The following CCDC18 variants were observed in gnomAD, a reference collection of about 807,000 sequenced individuals.
The protein encoded by CCDC18 is coiled-coil domain containing 18, also known as coiled-coil domain-containing protein 18.
CCDC18 carries 157 observed loss-of-function variants against 196.0 expected under a neutral mutation model. The ratio of observed to expected loss-of-function variants is 0.80; its 90% CI spans 0.70 to 0.91. The LOEUF is 0.91. Among genes scored for constraint, CCDC18 ranks in the 40% least tolerant of loss-of-function variants. The pLI is 0.00. For missense variants in CCDC18, 1,465 were observed against 1,611.6 expected (o/e 0.91, Z 1.56); for synonymous variants, 482 against 529.2 (o/e 0.91, Z 1.22).
intron 2 of CCDC18, 96 bp downstream of exon 2, chr1:93,183,591 C>T (rs1650119882): frequency 8.3e-6 from 7 of 841,898 alleles, no homozygotes; most frequent in South Asian, 3.2e-5. Flanking sequence ...TCTAACCTGC[C>T]TCTGGAATAA....
intron 3 of CCDC18, among the ~76,000 whole-genome samples, chr1:93,185,493 A>G (rs1237113804): frequency 1.3e-5 from 2 of 152,006 alleles, no homozygotes; most frequent in African/African-American, 2.4e-5. Flanking sequence ...TATTCATACA[A>G]TGGAAACTAT....
At chr1:93,253,937 A>G (rs1662593843) in intron 23 of CCDC18, among the ~76,000 whole-genome samples, 1 of 152,192 alleles carries the variant, frequency 6.6e-6, no homozygotes, top group South Asian at 2.1e-4. Flanking sequence ...GGCTCCTGCA[A>G]AGAGGCTTTT....
intron 7 of CCDC18, among the ~76,000 whole-genome samples, chr1:93,202,640 A>G (rs1371528209): frequency 6.6e-6 from 1 of 152,188 alleles, no homozygotes; most frequent in Non-Finnish European, 1.5e-5. Flanking sequence ...AAAGGTAGAA[A>G]GGCAGAGGAA....
intron 4 of CCDC18, among the ~76,000 whole-genome samples, chr1:93,188,513 G>A (rs150828701): frequency 3.3e-5 from 5 of 152,192 alleles, no homozygotes; most frequent in East Asian, 1.9e-4. Flanking sequence ...TTCTTCACTC[G>A]TGATTAAATT....
At chr1:93,205,365 T>A (rs1654552493) in intron 7 of CCDC18, 145 bp from the exon 8 acceptor site, 1 of 614,432 alleles carries the variant, frequency 1.6e-6, no homozygotes, top group Admixed American at 3.9e-5. Flanking sequence ...ACTTTGCTTC[T>A]TTTCACTACA....
chr1:93,258,382 A>G (rs1415798484), intron 25 of CCDC18, among the ~76,000 whole-genome samples: 2 of 152,148 alleles, frequency 1.3e-5, no homozygotes, highest in East Asian at 3.8e-4. Flanking sequence ...TTGAATAAAA[A>G]CACAACTGAC....
chr1:93,223,820 T>G (rs1432508351), intron 16 of CCDC18, among the ~76,000 whole-genome samples: 2 of 151,960 alleles, frequency 1.3e-5, no homozygotes, highest in Non-Finnish European at 2.9e-5. Context: ...CCCTATCTGG[T>G]TGTCTCCAGA....
intron 27 of CCDC18, among the ~76,000 whole-genome samples, chr1:93,266,769 C>G (rs532720368): frequency 6.6e-6 from 1 of 152,130 alleles, no homozygotes; most frequent in Non-Finnish European, 1.5e-5. Context: ...CTGAGTAGAC[C>G]AACAACAGGT....
intron 6 of CCDC18, among the ~76,000 whole-genome samples, chr1:93,194,057 A>T (rs1652300843): frequency 6.6e-6 from 1 of 152,146 alleles, no homozygotes; most frequent in Non-Finnish European, 1.5e-5. Flanking sequence ...TTAAAATACT[A>T]ACAGGGAAAA....
chr1:93,184,185 G>T, intron 3 of CCDC18, 39 bp downstream of exon 3: 1 of 1,250,868 alleles, frequency 8.0e-7, no homozygotes, highest in Non-Finnish European at 1.0e-6. Context: ...AAGAAGTTTT[G>T]GTTTTAGGCC....
intron 28 of CCDC18, among the ~76,000 whole-genome samples, chr1:93,275,923 G>A (rs1487112088): frequency 6.6e-6 from 1 of 152,228 alleles, no homozygotes; most frequent in Non-Finnish European, 1.5e-5. Context: ...ATTTGAAAGT[G>A]TCATCAGGTA....
Position 93,216,749 on chromosome 1 carries a change from A to G in CCDC18, c.1830+3A>G. 6.9e-7 allele frequency: 1 copy of G among 1,454,060 alleles called. No individual in the cohort carries two copies. The highest frequency in any genetic ancestry group is 9.4e-7 in the Non-Finnish European group (1 of 1,058,270). 90.1% of individuals were successfully genotyped at this position (1,454,060 alleles called of 1,614,324 possible). Reference sequence around the variant, plus strand: ...CAGAACTAGAACAGGAGCTTATGGTAAAACTTATCTTTGTTCCTACAAATT... The same window carrying G: ...CAGAACTAGAACAGGAGCTTATGGTGAAACTTATCTTTGTTCCTACAAATT... On this transcript the variant is annotated splice_donor_region_variant and intron_variant, in intron 13 of 28. Transcript: ENST00000690025.
At chr1:93,215,419 T>C (rs982541804) in intron 12 of CCDC18, among the ~76,000 whole-genome samples, 13 of 151,834 alleles carry the variant, frequency 8.6e-5, no homozygotes, top group African/African-American at 3.1e-4. Flanking sequence ...ATTCAGTATA[T>C]ATGGGCACAA....
chr1:93,254,527 G>GT lies in CCDC18; in HGVS notation c.3258dup (p.Ile1087TyrfsTer6). 6.2e-7 allele frequency: 1 copy of GT among 1,604,242 alleles called. No individual in the cohort carries two copies. Among genetic ancestry groups the GT allele is most frequent in the Non-Finnish European group, 8.5e-7 (1 of 1,173,556 alleles). On this transcript the variant is annotated frameshift_variant, in exon 24 of 29. Transcript: ENST00000690025. LOFTEE classifies it high-confidence loss of function. ...CTAAAGAACAGCTTCGAGAAAAAGA[G>GT]TTTATAATGCTACAAAATGAACAGG...
rs189451718 is a variant in CCDC18 at position 93,209,930 on chromosome 1, G to A, written c.1210-872G>A. On this transcript the variant is annotated intron_variant, in intron 9 of 28. Coordinates refer to ENST00000690025, the MANE Select transcript of CCDC18 (RefSeq NM_001378204.1). ...GCAAAAATTAGCTGGGCATGGTGGC[G>A]CATGCCTGTGGTCCTAGCTACTCGA... is the stretch of plus-strand genomic sequence containing the variant. Among the ~76,000 whole-genome samples, 30 of 152,140 alleles carry A rather than the reference G, an allele frequency of 2.0e-4. No individual in the cohort carries two copies. In the East Asian group the frequency reaches 4.6e-3, roughly 24 times the overall value.
chr1:93,183,356 TAAGAAA>T lies in CCDC18; in HGVS notation c.-2-3_1del, dbSNP rs1256534909. 6.5e-7 allele frequency: 1 copy of T among 1,533,468 alleles called. No individual in the cohort carries two copies. The highest frequency in any genetic ancestry group is 8.8e-7 in the Non-Finnish European group (1 of 1,137,378). The allele number at this position is 1,533,468 out of a possible 1,614,324, so 95.0% of individuals were successfully genotyped here. Reference sequence around the variant, plus strand: ...AGGTACAAGAAATTCATTTTTTTTTTAAGAAATGGAATCTAGTTCATCAGACTACTA... The same window carrying T: ...AGGTACAAGAAATTCATTTTTTTTTTTGGAATCTAGTTCATCAGACTACTA... On this transcript the variant is annotated splice_acceptor_variant and splice_polypyrimidine_tract_variant and coding_sequence_variant and 5_prime_UTR_variant and intron_variant, in exon 2 of 29. Coordinates refer to ENST00000690025, the MANE Select transcript of CCDC18 (RefSeq NM_001378204.1). LOFTEE classifies it high-confidence loss of function.
chr1:93,193,090 G>A (rs1652099485), intron 5 of CCDC18, among the ~76,000 whole-genome samples: 1 of 152,110 alleles, frequency 6.6e-6, no homozygotes, highest in African/African-American at 2.4e-5. Context: ...CATTGCTAGT[G>A]TATGGGAAGG....
At chr1:93,248,815 G>A (rs1165995265) in intron 23 of CCDC18, among the ~76,000 whole-genome samples, 1 of 151,826 alleles carries the variant, frequency 6.6e-6, no homozygotes, top group Non-Finnish European at 1.5e-5. Flanking sequence ...TCTATAGAAA[G>A]TAGAAAAATT....
At chr1:93,246,979 T>C in intron 23 of CCDC18, 25 bp downstream of exon 23, 1 of 941,274 alleles carries the variant, frequency 1.1e-6, no homozygotes, top group Non-Finnish European at 1.6e-6. Context: ...AATTACGTAT[T>C]TTAAATTATT....
Sources: gnomAD v4.1 joint callset for allele counts (sites outside exome capture counted in the v4.1 genomes callset) on GRCh38, gnomAD v4.1.1 for gene constraint, MANE v1.5 for transcripts, NCBI Gene and HGNC (gene_info 2026-07-23, HGNC 2026-07-21) for gene names.